The following AGBL4 variants were observed in gnomAD, a reference collection of about 807,000 sequenced individuals.
The protein encoded by AGBL4 is AGBL carboxypeptidase 4.
A neutral mutation model predicts 66.4 loss-of-function variants in AGBL4; 58 were observed. The observed-to-expected ratio is 0.87, with a 90% CI of 0.71 to 1.09. AGBL4 has a LOEUF of 1.09. Among genes scored for constraint, AGBL4 ranks in the 50% least tolerant of loss-of-function variants. The pLI, the probability that AGBL4 is intolerant of heterozygous loss-of-function variation, is 0.00. For synonymous variants in AGBL4, 234 were observed against 222.9 expected (o/e 1.05, Z -0.44); for missense variants, 579 against 631.0 (o/e 0.92, Z 0.88).
At chr1:49,924,141 G>T (rs890508959) in intron 1 of AGBL4, among the ~76,000 whole-genome samples, 11 of 151,858 alleles carry the variant, frequency 7.2e-5, no homozygotes, top group Non-Finnish European at 1.6e-4. Context: ...TGCATGCAGG[G>T]ACAGGGTTGG....
chr1:50,002,261 A>G (rs1660809675), intron 1 of AGBL4, among the ~76,000 whole-genome samples: 1 of 151,260 alleles, frequency 6.6e-6, no homozygotes, highest in African/African-American at 2.4e-5. Flanking sequence ...TCTTTAACTT[A>G]TATAGCCAGT....
At chr1:49,887,081 A>G (rs183670931) in intron 1 of AGBL4, among the ~76,000 whole-genome samples, 1 of 151,638 alleles carries the variant, frequency 6.6e-6, no homozygotes, top group African/African-American at 2.4e-5. Flanking sequence ...TCCTTCAAGG[A>G]GTATAGGCAA....
chr1:48,969,333 T>C (rs1658718762), intron 5 of AGBL4, among the ~76,000 whole-genome samples: 1 of 152,138 alleles, frequency 6.6e-6, no homozygotes, highest in African/African-American at 2.4e-5. Flanking sequence ...TGCCCTCTAT[T>C]TGTCGGAAAT....
At position 49,833,446 on chromosome 1, in the gene AGBL4, C is replaced by A. The variant is rs1157670209; in HGVS notation, c.157+17950G>T. The stretch of plus-strand genomic sequence containing the variant: ...GTAGCATGATGCCTCCAGCTTTGTT[C>A]TTTGGCTTAGGATTGACTTGGCGAT... On this transcript the variant is annotated intron_variant, in intron 2 of 13. Transcript: ENST00000371839. 2.0e-5 allele frequency among the ~76,000 whole-genome samples: 3 copies of A among 152,078 alleles called. 1 individual carries two copies. The highest frequency in any genetic ancestry group is 4.4e-5 in the Non-Finnish European group (3 of 68,020).
intron 4 of AGBL4, among the ~76,000 whole-genome samples, chr1:49,121,632 G>C (rs1366259157): frequency 2.6e-5 from 4 of 152,188 alleles, no homozygotes; most frequent in African/African-American, 4.8e-5. Flanking sequence ...CCCCTACTGG[G>C]AGGCGTCTCC....
intron 5 of AGBL4, among the ~76,000 whole-genome samples, chr1:48,920,147 C>T (rs1250086826): frequency 1.3e-5 from 2 of 152,284 alleles, no homozygotes. Context: ...TAAAGATTGC[C>T]TGTAGACTTC....
At chr1:48,910,341 A>G (rs1300063542) in intron 5 of AGBL4, among the ~76,000 whole-genome samples, 1 of 152,194 alleles carries the variant, frequency 6.6e-6, no homozygotes, top group African/African-American at 2.4e-5. Flanking sequence ...GGACTCTCTA[A>G]AATAATCTTC....
At chr1:49,781,992 T>A (rs1644348884) in intron 2 of AGBL4, among the ~76,000 whole-genome samples, 1 of 152,030 alleles carries the variant, frequency 6.6e-6, no homozygotes, top group Non-Finnish European at 1.5e-5. Context: ...AATTTATAAC[T>A]TTAAGCTCTT....
At chr1:48,614,342 A>C (rs1645285409) in intron 9 of AGBL4, among the ~76,000 whole-genome samples, 1 of 152,222 alleles carries the variant, frequency 6.6e-6, no homozygotes, top group African/African-American at 2.4e-5. Context: ...AAGTTTTCTC[A>C]TTTGTAAAAT....
intron 3 of AGBL4, among the ~76,000 whole-genome samples, chr1:49,473,536 T>C (rs1271921800): frequency 1.3e-5 from 2 of 152,106 alleles, no homozygotes; most frequent in Non-Finnish European, 2.9e-5. Context: ...TTCTGGATAC[T>C]AGACCTCTGT....
rs988489533 is a variant in AGBL4 at position 49,008,865 on chromosome 1, C to T, written c.594+36719G>A. On this transcript the variant is annotated intron_variant, in intron 5 of 13. Coordinates refer to ENST00000371839, the MANE Select transcript of AGBL4 (RefSeq NM_032785.4). ...ACACAACATACCATTATCTGTGGGA[C>T]GCATTCAGAGGAGTGTGTAGAGGGA... 7.2e-3 allele frequency among the ~76,000 whole-genome samples: 1,091 copies of T among 151,990 alleles called. 10 individuals carry two copies. The highest frequency in any genetic ancestry group is 0.028 in the South Asian group (131 of 4,748).
intron 6 of AGBL4, among the ~76,000 whole-genome samples, chr1:48,758,613 G>C (rs1354077166): frequency 6.6e-6 from 1 of 152,194 alleles, no homozygotes; most frequent in African/African-American, 2.4e-5. Flanking sequence ...GCCTCCTGCT[G>C]AATGAATGCA....
At chr1:49,747,869 A>T (rs1303738530) in intron 2 of AGBL4, among the ~76,000 whole-genome samples, 1 of 152,106 alleles carries the variant, frequency 6.6e-6, no homozygotes, top group African/African-American at 2.4e-5. Flanking sequence ...TTTTTTATCT[A>T]CAAAATGTTT....
intron 6 of AGBL4, among the ~76,000 whole-genome samples, chr1:48,670,547 G>T (rs946717400): frequency 6.6e-6 from 1 of 152,154 alleles, no homozygotes; most frequent in Non-Finnish European, 1.5e-5. Context: ...TTGTCACCTT[G>T]ATGGTCACAG....
intron 2 of AGBL4, among the ~76,000 whole-genome samples, chr1:49,721,104 G>A (rs1221773225): frequency 6.6e-6 from 1 of 152,030 alleles, no homozygotes; most frequent in African/African-American, 2.4e-5. Flanking sequence ...CTGTAAAAAC[G>A]CACCAATCAG....
intron 3 of AGBL4, among the ~76,000 whole-genome samples, chr1:49,295,204 A>G (rs1027162797): frequency 7.9e-5 from 12 of 152,206 alleles, no homozygotes; most frequent in African/African-American, 2.9e-4. Flanking sequence ...CAGTGTAAGC[A>G]TTGAGGATAT....
chr1:49,425,701 A>T (rs2148649301), intron 3 of AGBL4, among the ~76,000 whole-genome samples: 1 of 152,320 alleles, frequency 6.6e-6, no homozygotes, highest in Non-Finnish European at 1.5e-5. Flanking sequence ...TGCCTGGCTC[A>T]ACTTAGCTAT....
chr1:49,192,677 C>T (rs1039382855), intron 4 of AGBL4, among the ~76,000 whole-genome samples: 6 of 152,182 alleles, frequency 3.9e-5, no homozygotes, highest in Admixed American at 3.3e-4. Flanking sequence ...TGTAAAAGGG[C>T]ATTTTAGTAT....
intron 9 of AGBL4, 85 bp from the exon 10 acceptor site, chr1:48,591,070 C>A: frequency 2.6e-6 from 3 of 1,146,658 alleles, no homozygotes; most frequent in South Asian, 3.3e-5. Flanking sequence ...CACACACACA[C>A]CCCCCACACA....
Sources: gnomAD v4.1 joint callset for allele counts (sites outside exome capture counted in the v4.1 genomes callset) on GRCh38, gnomAD v4.1.1 for gene constraint, MANE v1.5 for transcripts, NCBI Gene and HGNC (gene_info 2026-07-23, HGNC 2026-07-21) for gene names.